The following KALRN variants were observed in gnomAD, a reference collection of about 807,000 sequenced individuals.
The protein encoded by KALRN is kalirin.
In KALRN, 70 loss-of-function variants were observed where a neutral mutation model predicts 353.7. That is an observed-to-expected ratio of 0.20 (90% CI 0.16 to 0.24). KALRN has a LOEUF of 0.24. Ranked by LOEUF, KALRN falls within the 10% of genes least tolerant of loss-of-function variation. The probability of loss-of-function intolerance (pLI) is 1.00; values close to 1 mark genes in which losing one functional copy is unlikely to be tolerated. For synonymous variants in KALRN, 1,391 were observed against 1,434.8 expected (o/e 0.97, Z 0.69); for missense variants, 2,791 against 3,756.7 (o/e 0.74, Z 6.72).
intron 8 of KALRN, among the ~76,000 whole-genome samples, chr3:124,333,768 A>AGAG (rs2080845216): frequency 6.6e-6 from 1 of 152,110 alleles, no homozygotes; most frequent in Non-Finnish European, 1.5e-5. Context: ...GGCACCTGTA[A>AGAG]TCCCAGCTAC....
intron 36 of KALRN, among the ~76,000 whole-genome samples, chr3:124,636,239 T>G (rs2081337135): frequency 6.6e-6 from 1 of 152,196 alleles, no homozygotes; most frequent in Admixed American, 6.5e-5. Flanking sequence ...GTCCTGGCCT[T>G]GGGAACACCA....
intron 34 of KALRN, among the ~76,000 whole-genome samples, chr3:124,578,560 G>A (rs547552625): frequency 6.6e-6 from 1 of 152,334 alleles, no homozygotes; most frequent in African/African-American, 2.4e-5. Flanking sequence ...CCTAAAGTCC[G>A]TGGTTCTCAG....
intron 1 of KALRN, among the ~76,000 whole-genome samples, chr3:124,120,469 T>C (rs1007193114): frequency 6.6e-6 from 1 of 152,104 alleles, no homozygotes; most frequent in Non-Finnish European, 1.5e-5. Context: ...GACTGTCACT[T>C]AGAACTGACC....
intron 1 of KALRN, among the ~76,000 whole-genome samples, chr3:124,173,554 C>G (rs2072203461): frequency 1.3e-5 from 2 of 152,168 alleles, no homozygotes; most frequent in African/African-American, 4.8e-5. Context: ...CCTTGGCCTG[C>G]TGGCCTAGTG....
chr3:124,043,935 T>A (rs1466961110), intron 1 of KALRN, among the ~76,000 whole-genome samples: 1 of 152,042 alleles, frequency 6.6e-6, no homozygotes, highest in Non-Finnish European at 1.5e-5. Context: ...AGATGGTATC[T>A]GGGCAGCCTT....
At chr3:124,645,417 T>A (rs1197255746) in intron 37 of KALRN, among the ~76,000 whole-genome samples, 1 of 152,218 alleles carries the variant, frequency 6.6e-6, no homozygotes, top group African/African-American at 2.4e-5. Context: ...ATGTCCTGAA[T>A]GGTATTGCCT....
Position 124,477,268 on chromosome 3 carries a change from C to T in KALRN, c.4125C>T (p.Val1375=). The part of the protein sequence containing the change: ...VTWADKFQMY[V]TYCKNKPDSN... Reference sequence around the variant, plus strand: ...AGGCAGACAAATTTCAGATGTATGTCACCTACTGTAAAAACAAGCCTGATT... The same window carrying T: ...AGGCAGACAAATTTCAGATGTATGTTACCTACTGTAAAAACAAGCCTGATT... Residue 1375 remains valine (V), a synonymous_variant, in exon 27 of 60, where the codon GTC becomes GTT. Transcript: ENST00000682506. 1 of 1,613,280 alleles carries T rather than the reference C, an allele frequency of 6.2e-7. No individual in the cohort carries two copies. The highest frequency in any genetic ancestry group is 8.5e-7 in the Non-Finnish European group (1 of 1,179,232).
chr3:124,420,893 G>A (rs2092749074), intron 14 of KALRN, among the ~76,000 whole-genome samples: 1 of 152,190 alleles, frequency 6.6e-6, no homozygotes, highest in African/African-American at 2.4e-5. Flanking sequence ...GAGTTAGAGT[G>A]AGGGGGAAAT....
intron 51 of KALRN, among the ~76,000 whole-genome samples, chr3:124,691,615 G>A (rs2061820038): frequency 6.6e-6 from 1 of 152,126 alleles, no homozygotes; most frequent in South Asian, 2.1e-4. Context: ...GTATGACAAG[G>A]TCAGTTAATG....
chr3:124,708,024 G>A (rs2062721397), intron 57 of KALRN, among the ~76,000 whole-genome samples: 1 of 152,092 alleles, frequency 6.6e-6, no homozygotes, highest in Admixed American at 6.6e-5. Flanking sequence ...GCTCACAAGG[G>A]GCAGACCTAA....
At chr3:124,477,394 T>C in intron 27 of KALRN, 60 bp downstream of exon 27, 1 of 1,170,168 alleles carries the variant, frequency 8.5e-7, no homozygotes, top group Non-Finnish European at 1.3e-6. Flanking sequence ...TTCTCTGCTT[T>C]GGCATAATGG....
chr3:124,500,405 A>G (rs749296952), intron 33 of KALRN, among the ~76,000 whole-genome samples: 21 of 152,188 alleles, frequency 1.4e-4, no homozygotes, highest in Non-Finnish European at 2.8e-4. Context: ...CCAATGCCCA[A>G]CACCCCTCCT....
intron 5 of KALRN, among the ~76,000 whole-genome samples, chr3:124,284,631 C>A (rs781536568): frequency 6.6e-6 from 1 of 152,104 alleles, no homozygotes; most frequent in South Asian, 2.1e-4. Flanking sequence ...CTCACTAGAC[C>A]GTGGCCTTGA....
At chr3:124,215,387 T>G (rs935473407) in intron 1 of KALRN, among the ~76,000 whole-genome samples, 3 of 152,186 alleles carry the variant, frequency 2.0e-5, no homozygotes, top group Non-Finnish European at 2.9e-5. Flanking sequence ...AGGCATTTTT[T>G]TAGCTGCCGT....
At chr3:124,062,331 C>A (rs943946831) in intron 1 of KALRN, among the ~76,000 whole-genome samples, 1 of 152,178 alleles carries the variant, frequency 6.6e-6, no homozygotes, top group African/African-American at 2.4e-5. Context: ...AATCCCTAAG[C>A]AACAGAGCTT....
intron 6 of KALRN, among the ~76,000 whole-genome samples, chr3:124,316,192 G>A (rs1036641603): frequency 2.6e-5 from 4 of 152,066 alleles, no homozygotes; most frequent in Non-Finnish European, 5.9e-5. Flanking sequence ...TCTTATTGCC[G>A]CCTCCATGGT....
At chr3:124,242,278 C>T (rs1484106278) in intron 3 of KALRN, among the ~76,000 whole-genome samples, 5 of 152,210 alleles carry the variant, frequency 3.3e-5, no homozygotes, top group African/African-American at 1.2e-4. Context: ...AAGTATTTTA[C>T]ATGCATTAAC....
chr3:124,172,251 G>A (rs1408511896), intron 1 of KALRN, among the ~76,000 whole-genome samples: 5 of 152,040 alleles, frequency 3.3e-5, no homozygotes, highest in East Asian at 1.9e-4. Context: ...ATTCCCCTTC[G>A]CCTTACCTTG....
intron 34 of KALRN, among the ~76,000 whole-genome samples, chr3:124,617,168 CAAAAAATTT>C (rs1485431068): frequency 6.6e-6 from 1 of 151,668 alleles, no homozygotes; most frequent in Non-Finnish European, 1.5e-5. Context: ...CCTGTCTCTA[CAAAAAATTT>C]AAAAAAATTA....
Sources: gnomAD v4.1 joint callset for allele counts (sites outside exome capture counted in the v4.1 genomes callset) on GRCh38, gnomAD v4.1.1 for gene constraint, MANE v1.5 for transcripts, NCBI Gene and HGNC (gene_info 2026-07-23, HGNC 2026-07-21) for gene names.